PCDH15: variants seen among roughly 807,000 people sequenced by gnomAD.
The protein encoded by PCDH15 is protocadherin-15.
In PCDH15, 129 loss-of-function variants were observed where a neutral mutation model predicts 178.5. The observed-to-expected ratio is 0.72, with a 90% CI of 0.63 to 0.84. The LOEUF is 0.84. Among genes scored for constraint, PCDH15 ranks in the 40% least tolerant of loss-of-function variants. PCDH15 has a pLI of 0.00. For synonymous variants in PCDH15, 800 were observed against 732.0 expected (o/e 1.09, Z -1.50); for missense variants, 2,230 against 2,099.9 (o/e 1.06, Z -1.21).
chr10:54,667,112 G>A (rs2094584582), intron 1 of PCDH15, among the ~76,000 whole-genome samples: 1 of 151,944 alleles, frequency 6.6e-6, no homozygotes, highest in Non-Finnish European at 1.5e-5. Flanking sequence ...CCCAGAGGAA[G>A]GAGATAATTT....
At position 53,971,455 on chromosome 10, in the gene PCDH15, A is replaced by C. The variant is rs189159809; in HGVS notation, c.2869-9563T>G. Among the ~76,000 whole-genome samples the C allele has an allele frequency of 3.8e-3, 581 of 152,312 alleles. 3 individuals are homozygous for C. The highest frequency in any genetic ancestry group is 4.5e-3 in the Non-Finnish European group (309 of 68,032). On this transcript the variant is annotated intron_variant, in intron 21 of 37. Coordinates refer to ENST00000644397, the MANE Select transcript of PCDH15 (RefSeq NM_001384140.1). ...CTGGCTAGGGCAATCAGGCAGGAGA[A>C]AGAAATAAATGATATTCAATTAGGA... is the stretch of plus-strand genomic sequence containing the variant.
chr10:54,470,726 C>T (rs770956929), intron 3 of PCDH15, among the ~76,000 whole-genome samples: 1 of 152,132 alleles, frequency 6.6e-6, no homozygotes, highest in South Asian at 2.1e-4. Flanking sequence ...CTGCATACTC[C>T]TTGCCAATTG....
intron 2 of PCDH15, among the ~76,000 whole-genome samples, chr10:55,544,463 C>G (rs1390959184): frequency 1.3e-5 from 2 of 151,916 alleles, no homozygotes; most frequent in African/African-American, 2.4e-5. Flanking sequence ...AATGTCTGTT[C>G]TCCAAAATCT....
In PCDH15 at chr10:54,318,994, T is replaced by C. The variant is rs1001327924; in HGVS notation, c.706-1553A>G. ...TAGTAATTTTATTAGAAATGTAAAT[T>C]GTTTATATTTATCTGAAGAATGTTT... On this transcript the variant is annotated intron_variant, in intron 7 of 37. Transcript: ENST00000644397. Among the ~76,000 whole-genome samples, 3 of 152,128 alleles carry C rather than the reference T, an allele frequency of 2.0e-5. No homozygotes were observed. In the East Asian group the frequency reaches 5.8e-4, roughly 29 times the overall value.
At chr10:53,882,590 T>C (rs550042406) in intron 26 of PCDH15, among the ~76,000 whole-genome samples, 3 of 152,148 alleles carry the variant, frequency 2.0e-5, no homozygotes, top group African/African-American at 7.2e-5. Flanking sequence ...CTCGAACTCC[T>C]GACCTCAAGT....
intron 8 of PCDH15, among the ~76,000 whole-genome samples, chr10:54,310,039 T>G (rs1219434095): frequency 6.6e-6 from 1 of 152,106 alleles, no homozygotes; most frequent in Non-Finnish European, 1.5e-5. Flanking sequence ...ATAACAAATA[T>G]GTGCTTAACA....
chr10:54,062,227 C>CAAAAAAAAAAAAAAAAAAAA (rs72361686), intron 18 of PCDH15, among the ~76,000 whole-genome samples: 14 of 53,824 alleles, frequency 2.6e-4, no homozygotes, highest in East Asian at 8.0e-4. Context: ...GATTCTGTCT[C>CAAAAAAAAAAAAAAAAAAAA]AAAAAAAAAA....
At chr10:54,446,646 G>A (rs1168566258) in intron 3 of PCDH15, among the ~76,000 whole-genome samples, 3 of 151,364 alleles carry the variant, frequency 2.0e-5, no homozygotes, top group Non-Finnish European at 3.0e-5. Context: ...ATACATTGTG[G>A]AATGGCTAAA....
At chr10:55,066,744 AT>A (rs1591873404) in intron 2 of PCDH15, among the ~76,000 whole-genome samples, 1 of 150,800 alleles carries the variant, frequency 6.6e-6, no homozygotes. Context: ...TCTCAAAACT[AT>A]TTTTTTAAGT....
intron 17 of PCDH15, 120 bp from the exon 18 acceptor site, chr10:54,067,005 G>A: frequency 1.2e-6 from 1 of 854,568 alleles, no homozygotes; most frequent in Non-Finnish European, 1.7e-6. Flanking sequence ...CTAATCCTTA[G>A]CTTTCCAAAA....
At chr10:55,189,210 A>G (rs1051521741) in intron 1 of PCDH15, among the ~76,000 whole-genome samples, 1 of 151,900 alleles carries the variant, frequency 6.6e-6, no homozygotes, top group African/African-American at 2.4e-5. Flanking sequence ...AGTTAGTTGT[A>G]AAAAACGATT....
chr10:54,358,832 T>C (rs544829442), intron 5 of PCDH15, among the ~76,000 whole-genome samples: 2,373 of 151,804 alleles, frequency 0.016, 63 homozygotes, highest in African/African-American at 0.054. Context: ...TATGCAGCCA[T>C]AAAAAATGAT....
At chr10:55,607,884 A>C (rs1589180051) in intron 2 of PCDH15, among the ~76,000 whole-genome samples, 1 of 151,996 alleles carries the variant, frequency 6.6e-6, no homozygotes, top group Admixed American at 6.6e-5. Context: ...TGTACCCTAA[A>C]ACTTAAAGTA....
chr10:54,420,265 T>C (rs1955057710), intron 3 of PCDH15, among the ~76,000 whole-genome samples: 1 of 152,110 alleles, frequency 6.6e-6, no homozygotes. Flanking sequence ...TAACTTCCCC[T>C]GCAGCCTTGT....
chr10:54,995,607 G>A (rs369059110), intron 2 of PCDH15, among the ~76,000 whole-genome samples: 39 of 132,714 alleles, frequency 2.9e-4, no homozygotes, highest in African/African-American at 9.2e-4. Context: ...AGTTTCTTCC[G>A]AATAAACATA....
At chr10:55,441,160 T>C (rs922395381) in intron 2 of PCDH15, among the ~76,000 whole-genome samples, 1 of 152,198 alleles carries the variant, frequency 6.6e-6, no homozygotes, top group Non-Finnish European at 1.5e-5. Flanking sequence ...TAAAAGCAGT[T>C]TTATCTAATA....
intron 3 of PCDH15, among the ~76,000 whole-genome samples, chr10:54,402,968 G>A (rs941244405): frequency 2.0e-5 from 3 of 152,018 alleles, no homozygotes; most frequent in Admixed American, 6.6e-5. Flanking sequence ...AGGAAGGCAT[G>A]TTGTAACCAA....
intron 1 of PCDH15, among the ~76,000 whole-genome samples, chr10:54,736,740 A>T (rs1210268039): frequency 3.3e-5 from 5 of 151,996 alleles, no homozygotes; most frequent in Non-Finnish European, 7.4e-5. Context: ...AGCATTTTTG[A>T]GAAAGAACTT....
chr10:54,137,407 C>T (rs1240612668), intron 14 of PCDH15, among the ~76,000 whole-genome samples: 2 of 152,104 alleles, frequency 1.3e-5, no homozygotes, highest in Admixed American at 6.6e-5. Context: ...GAAACCTACC[C>T]AATAGTTCCA....
Sources: allele counts gnomAD v4.1 joint callset (sites outside exome capture counted in the v4.1 genomes callset), GRCh38; gene constraint gnomAD v4.1.1; transcripts MANE v1.5; gene names NCBI Gene and HGNC (gene_info 2026-07-23, HGNC 2026-07-21).